PCDHGA5: variants seen among roughly 807,000 people sequenced by gnomAD.
PCDHGA5 encodes the protein protocadherin gamma-A5.
PCDHGA5 carries 36 observed loss-of-function variants against 56.7 expected under a neutral mutation model. The observed-to-expected ratio is 0.64, with a 90% confidence interval of 0.49 to 0.84. The LOEUF (loss-of-function observed/expected upper bound fraction) is 0.84, where lower values mean the gene tolerates loss of function less well. PCDHGA5 is among the 40% of genes least tolerant of loss of function. The pLI is 0.00. For missense variants in PCDHGA5, 1,305 were observed against 1,201.5 expected (o/e 1.09, Z -1.27); for synonymous variants, 563 against 520.2 (o/e 1.08, Z -1.12).
Position 141,491,402 on chromosome 5 carries a change from C to T in PCDHGA5, c.2422-3405C>T. 1 of 1,614,156 alleles carries T rather than the reference C, an allele frequency of 6.2e-7. No individual in the cohort carries two copies. Among genetic ancestry groups the T allele is most frequent in the Non-Finnish European group, 8.5e-7 (1 of 1,180,022 alleles). ...TCAGCGAAGTGCCTTCAGGGAAACG[C>T]AGACGGGGACGGGGGTGGAGGGCAG... On this transcript the variant is annotated intron_variant, in intron 1 of 3. Transcript: ENST00000518069. The surrounding 1 kb of genome is among the most constrained non-coding windows in gnomAD (Gnocchi z 6.9).
chr5:141,379,137 C>A (rs1322597414), intron 1 of PCDHGA5: 2 of 152,216 alleles, frequency 1.3e-5, no homozygotes, highest in African/African-American at 2.4e-5. Context: ...AAATGAGAAC[C>A]TCCTTTGTAA....
At chr5:141,404,762 C>T (rs1466259455) in intron 1 of PCDHGA5, 1 of 1,613,828 alleles carries the variant, frequency 6.2e-7, no homozygotes, top group East Asian at 2.2e-5. Flanking sequence ...GAATGCTTGG[C>T]TCTCCTACCG....
At chr5:141,468,737 G>A (rs1288031024) in intron 1 of PCDHGA5, among the ~76,000 whole-genome samples, 1 of 151,948 alleles carries the variant, frequency 6.6e-6, no homozygotes, top group African/African-American at 2.4e-5. Context: ...GTGGTGGCGG[G>A]TGCCTGTAGT....
Position 141,485,243 on chromosome 5 carries a change from C to A in PCDHGA5, c.2422-9564C>A. ...TACCCTTTTGTTCCTCTTTTACCACCTGGGTTACGTTTGTGGGCAGATCCG... is the reference window on the plus strand; with the variant it reads ...TACCCTTTTGTTCCTCTTTTACCACATGGGTTACGTTTGTGGGCAGATCCG... On this transcript the variant is annotated intron_variant, in intron 1 of 3. Transcript: ENST00000518069. This position sits in a 1 kb window ranked among gnomAD's most constrained non-coding sequence, Gnocchi z 5.7. 1 of 1,614,180 alleles carries A rather than the reference C, an allele frequency of 6.2e-7. No homozygotes were observed. The highest frequency in any genetic ancestry group is 8.5e-7 in the Non-Finnish European group (1 of 1,180,000).
chr5:141,376,466 C>G, intron 1 of PCDHGA5: 3 of 1,614,200 alleles, frequency 1.9e-6, no homozygotes, highest in Non-Finnish European at 2.5e-6. Flanking sequence ...TCTGATAACT[C>G]AGGATTTACT....
Position 141,432,928 on chromosome 5 carries a change from C to T in PCDHGA5, c.2422-61879C>T, listed in dbSNP as rs1443097611. ...GGCTGCGGCGCTGGCACAAGTCACG[C>T]CTGCTGCAGGCTTCAGGAGGCGGCT... On this transcript the variant is annotated intron_variant, in intron 1 of 3. Transcript: ENST00000518069. This position sits in a 1 kb window ranked among gnomAD's most constrained non-coding sequence, Gnocchi z 6.0. 1.2e-6 allele frequency: 2 copies of T among 1,614,066 alleles called. No homozygotes were observed. Among genetic ancestry groups the T allele is most frequent in the African/African-American group, 1.3e-5 (1 of 74,942 alleles).
At chr5:141,509,805 G>A (rs150684746) in intron 3 of PCDHGA5, among the ~76,000 whole-genome samples, 2 of 152,248 alleles carry the variant, frequency 1.3e-5, no homozygotes, top group Middle Eastern at 3.4e-3. Flanking sequence ...GCTTCATAGA[G>A]CCGAGCTCTT....
Position 141,366,022 on chromosome 5 carries a change from C to T in PCDHGA5, c.1692C>T (p.Tyr564=). Residue 564 remains tyrosine (Y), a synonymous_variant, in exon 1 of 4, where the codon TAC becomes TAT. Transcript: ENST00000518069. ...ACGACAATACGCCTGAGATCCTGTACCCCGCCCTCCCCACAGACGGTTCCA... is the reference window on the plus strand; with the variant it reads ...ACGACAATACGCCTGAGATCCTGTATCCCGCCCTCCCCACAGACGGTTCCA... ...DQNDNTPEIL[Y]PALPTDGSTG... The T allele has an allele frequency of 6.2e-7, 1 of 1,614,248 alleles. No homozygotes were observed. Among genetic ancestry groups the T allele is most frequent in the Non-Finnish European group, 8.5e-7 (1 of 1,180,038 alleles).
intron 1 of PCDHGA5, chr5:141,375,005 G>A (rs757710290): frequency 1.2e-6 from 2 of 1,613,892 alleles, no homozygotes; most frequent in African/African-American, 2.7e-5. Context: ...TGCAAATCTA[G>A]ACTATGAGGA....
intron 1 of PCDHGA5, chr5:141,419,183 A>G (rs1453963573): frequency 1.9e-6 from 3 of 1,613,958 alleles, no homozygotes; most frequent in Non-Finnish European, 1.7e-6. Context: ...AACCCTGCAC[A>G]TTACTGACGT....
intron 1 of PCDHGA5, chr5:141,423,381 G>T (rs2154550114): frequency 6.2e-7 from 1 of 1,614,204 alleles, no homozygotes; most frequent in East Asian, 2.2e-5. Flanking sequence ...TCAGGCTGTG[G>T]CGCTGGCATA....
At position 141,477,217 on chromosome 5, in the gene PCDHGA5, G is replaced by T. The variant is rs745497348; in HGVS notation, c.2422-17590G>T. On this transcript the variant is annotated intron_variant, in intron 1 of 3. Transcript: ENST00000518069. This position sits in a 1 kb window ranked among gnomAD's most constrained non-coding sequence, Gnocchi z 4.9. ...GCCCAGTACCCGAGGATGCCCCTCTGGGGACTGTCATCGCTTTGCTCAGTG... is the reference window on the plus strand; with the variant it reads ...GCCCAGTACCCGAGGATGCCCCTCTTGGGACTGTCATCGCTTTGCTCAGTG... The T allele has an allele frequency of 8.1e-6, 13 of 1,614,178 alleles. No homozygotes were observed. The African/African-American group carries it at 1.7e-4, about 22-fold the overall frequency.
chr5:141,364,685 G>A lies in PCDHGA5; in HGVS notation c.355G>A (p.Val119Ile), dbSNP rs1451666874. Reference protein sequence around the residue: ...LVENKMKIYGVEVEIIDINDN... With the variant: ...LVENKMKIYGIEVEIIDINDN... ...TGAGAACAAAATGAAAATTTATGGA[G>A]TAGAAGTAGAAATAATCGATATTAA... The change falls in exon 1 of 4, where the codon GTA (valine) becomes ATA (isoleucine). Residue 119 changes from valine (V) to isoleucine (I), a missense_variant. Val to Ile is a conservative substitution (Grantham distance 29). Transcript: ENST00000518069. The A allele has an allele frequency of 6.2e-7, 1 of 1,613,978 alleles. No individual in the cohort carries two copies. Among genetic ancestry groups the A allele is most frequent in the South Asian group, 1.1e-5 (1 of 91,082 alleles).
chr5:141,468,598 G>A (rs1250884127), intron 1 of PCDHGA5: 1 of 152,228 alleles, frequency 6.6e-6, no homozygotes, highest in African/African-American at 2.4e-5. Context: ...TGGGCGCGGT[G>A]GCTCACGCCT....
intron 1 of PCDHGA5, chr5:141,428,082 G>T (rs776612130): frequency 1.2e-6 from 2 of 1,609,030 alleles, no homozygotes; most frequent in South Asian, 2.2e-5. Flanking sequence ...GGGACACAAC[G>T]CTTGGCTGTC....
intron 1 of PCDHGA5, among the ~76,000 whole-genome samples, chr5:141,437,164 T>C (rs1262289843): frequency 1.3e-5 from 2 of 152,226 alleles, no homozygotes; most frequent in Non-Finnish European, 2.9e-5. Flanking sequence ...GTGTTGATTG[T>C]TTTCTGAGAC....
In PCDHGA5 at chr5:141,489,504, A is replaced by G. The variant is rs148241772; in HGVS notation, c.2422-5303A>G. 193 of 1,614,016 alleles carry G rather than the reference A, an allele frequency of 1.2e-4. No individual in the cohort carries two copies. Among genetic ancestry groups the G allele is most frequent in the Non-Finnish European group, 1.6e-4 (184 of 1,180,046 alleles). On this transcript the variant is annotated intron_variant, in intron 1 of 3. Transcript: ENST00000518069. The surrounding 1 kb of genome is among the most constrained non-coding windows in gnomAD (Gnocchi z 4.5). ...TGAGTGGTGCCCTGGCAGTGAATCA[A>G]AAGATTGACCGAGAAAGCCTATGTG...
intron 1 of PCDHGA5, among the ~76,000 whole-genome samples, chr5:141,438,921 C>T (rs1204218608): frequency 6.6e-6 from 1 of 151,970 alleles, no homozygotes; most frequent in Non-Finnish European, 1.5e-5. Context: ...CTGCCTTGGC[C>T]TCCCAAAGTG....
intron 1 of PCDHGA5, among the ~76,000 whole-genome samples, chr5:141,458,982 C>G (rs2098958289): frequency 6.6e-6 from 1 of 152,164 alleles, no homozygotes; most frequent in Admixed American, 6.5e-5. Flanking sequence ...GTCCTCCTGC[C>G]TCACCCTCCC....
Sources: gnomAD v4.1 joint callset for allele counts (sites outside exome capture counted in the v4.1 genomes callset) on GRCh38, gnomAD v4.1.1 for gene constraint, Gnocchi (gnomAD v3.1) non-coding constraint, MANE v1.5 for transcripts, NCBI Gene and HGNC (gene_info 2026-07-23, HGNC 2026-07-21) for gene names.